The following ZDHHC19 variants were observed in gnomAD, a reference collection of about 807,000 sequenced individuals.
ZDHHC19 encodes zDHHC palmitoyltransferase 19.
A neutral mutation model predicts 33.9 loss-of-function variants in ZDHHC19; 30 were observed. The observed-to-expected ratio is 0.88, with a 90% CI of 0.66 to 1.20. The LOEUF (loss-of-function observed/expected upper bound fraction) is 1.20, where lower values mean the gene tolerates loss of function less well. ZDHHC19 is among the 50% of genes most tolerant of loss of function. The pLI is 0.00. For missense variants in ZDHHC19, 364 were observed against 401.1 expected, an observed-to-expected ratio of 0.91 and a Z score of 0.79; for synonymous variants, 178 against 167.6, an observed-to-expected ratio of 1.06 and a Z score of -0.48.
intron 2 of ZDHHC19, among the ~76,000 whole-genome samples, chr3:196,209,763 G>A (rs1311730783): frequency 6.6e-6 from 1 of 152,226 alleles, no homozygotes; most frequent in Non-Finnish European, 1.5e-5. Flanking sequence ...GAGTGTCATT[G>A]TGTAGTGAAG....
intron 5 of ZDHHC19, among the ~76,000 whole-genome samples, chr3:196,207,063 G>A (rs571485658): frequency 6.6e-6 from 1 of 152,122 alleles, no homozygotes; most frequent in Non-Finnish European, 1.5e-5. Flanking sequence ...GCTCAGGACC[G>A]GCCCCCTCTC....
At chr3:196,210,444 G>GA (rs113743596) in intron 2 of ZDHHC19, among the ~76,000 whole-genome samples, 172 bp downstream of exon 2, 30,756 of 121,830 alleles carry the variant, frequency 0.25, 4,970 homozygotes, top group East Asian at 0.38. Context: ...GAGAAAGAAA[G>GA]AAAGAAAAGA....
intron 2 of ZDHHC19, among the ~76,000 whole-genome samples, chr3:196,210,278 GA>G (rs1172591315): frequency 3.6e-5 from 5 of 139,756 alleles, no homozygotes; most frequent in Non-Finnish European, 7.7e-5. Flanking sequence ...GAGAAAGAAA[GA>G]AAGAAAGAAG....
Position 196,203,787 on chromosome 3 carries a change from G to A in ZDHHC19, c.687+3611C>T, listed in dbSNP as rs1003964185. 2.6e-5 allele frequency among the ~76,000 whole-genome samples: 4 copies of A among 152,190 alleles called. No individual in the cohort carries two copies. The highest frequency in any genetic ancestry group is 1.9e-4 in the East Asian group (1 of 5,202). On this transcript the variant is annotated intron_variant, in intron 5 of 7. Transcript: ENST00000296326. This position sits in a 1 kb window ranked among gnomAD's most constrained non-coding sequence, Gnocchi z 4.3. ...GGAGGGTCCACATGCAGACCAGAGC[G>A]GGCTGATGAGGAAGGGCGGAGCTGG...
intron 3 of ZDHHC19, 184 bp from the exon 4 acceptor site, chr3:196,208,744 C>T: frequency 1.5e-6 from 1 of 663,946 alleles, no homozygotes; most frequent in Non-Finnish European, 2.6e-6. Flanking sequence ...CTTGTTAGAG[C>T]ACAGTTAGGA....
chr3:196,209,237 G>A (rs1723018829), intron 3 of ZDHHC19, 139 bp downstream of exon 3: 8 of 1,220,412 alleles, frequency 6.6e-6, no homozygotes. Context: ...ACCAAGGGTG[G>A]CTGGGAGTTA....
intron 5 of ZDHHC19, among the ~76,000 whole-genome samples, chr3:196,207,186 C>G (rs117885738): frequency 6.6e-6 from 1 of 152,190 alleles, no homozygotes; most frequent in African/African-American, 2.4e-5. Flanking sequence ...GAATCCAAAC[C>G]GCCTAGCACA....
At chr3:196,200,359 A>ATATATATATATAAT (rs1722181168) in intron 5 of ZDHHC19, among the ~76,000 whole-genome samples, 1 of 124,008 alleles carries the variant, frequency 8.1e-6, no homozygotes, top group East Asian at 2.3e-4. Flanking sequence ...TATATATATA[A>ATATATATATATAAT]TTTTTTTTTT....
chr3:196,198,123 G>A (rs1166236273), intron 7 of ZDHHC19, among the ~76,000 whole-genome samples, 153 bp downstream of exon 7: 6 of 151,796 alleles, frequency 4.0e-5, no homozygotes, highest in Admixed American at 2.0e-4. Flanking sequence ...TGCTTCCAAC[G>A]CCCCTCCAGT....
chr3:196,210,266 A>G lies in ZDHHC19; in HGVS notation c.268+350T>C, dbSNP rs1188232462. On this transcript the variant is annotated intron_variant, in intron 2 of 7. Coordinates refer to ENST00000296326, the MANE Select transcript of ZDHHC19 (RefSeq NM_001039617.2). ...GAAAGAAAGAAAAAGAAAGAAAGAA[A>G]AGAGAAAGAAAGAAAGAAAGAAGGA... Among the ~76,000 whole-genome samples the G allele has an allele frequency of 5.1e-3, 308 of 60,470 alleles. 2 individuals are homozygous for G. Among genetic ancestry groups the G allele is most frequent in the African/African-American group, 0.017 (298 of 17,042 alleles). 39.7% of individuals were successfully genotyped at this position (60,470 alleles called of 152,430 possible). A position where few individuals can be genotyped will look rare whatever the true frequency, so the allele number is the denominator to read the frequency against.
At chr3:196,200,346 ATATATATATAT>A (rs756301910) in intron 5 of ZDHHC19, among the ~76,000 whole-genome samples, 28,784 of 129,158 alleles carry the variant, frequency 0.22, 3,201 homozygotes, top group Middle Eastern at 0.31. Context: ...ATATATATGT[ATATATATATAT>A]AATTTTTTTT....
intron 2 of ZDHHC19, among the ~76,000 whole-genome samples, chr3:196,209,910 G>T (rs1285911580): frequency 1.3e-5 from 2 of 152,206 alleles, no homozygotes; most frequent in African/African-American, 4.8e-5. Context: ...AACGGGGTAG[G>T]GCCGGGCGCG....
intron 1 of ZDHHC19, among the ~76,000 whole-genome samples, 168 bp downstream of exon 1, chr3:196,211,002 C>T (rs1465518466): frequency 2.0e-5 from 3 of 151,100 alleles, no homozygotes; most frequent in Non-Finnish European, 4.4e-5. Context: ...TTTCCCTGCC[C>T]GCACCCTTGA....
In ZDHHC19 at chr3:196,203,269, GAAGA is replaced by G. The variant is rs200265519; in HGVS notation, c.687+4125_687+4128del. Among the ~76,000 whole-genome samples, 1,108 of 152,044 alleles carry G rather than the reference GAAGA, an allele frequency of 7.3e-3. 12 individuals carry two copies. Among genetic ancestry groups the G allele is most frequent in the African/African-American group, 0.026 (1,065 of 41,462 alleles). On this transcript the variant is annotated intron_variant, in intron 5 of 7. Transcript: ENST00000296326. The surrounding 1 kb of genome is among the most constrained non-coding windows in gnomAD (Gnocchi z 4.3). ...CAAAAAAGAAAAAAAAAGAAAGAAA[GAAGA>G]AAGAAAGAGAGAGAGAAATTGAACG...
At position 196,207,475 on chromosome 3, in the gene ZDHHC19, G is replaced by A. The variant is rs892448843; in HGVS notation, c.610C>T (p.Leu204Phe). ...AIVVAVSAAG[L>F]LVPLSLLLLI... ...AGCAGGAGGGACAGCGGCACCAGGA[G>A]GCCCGCGGCGGACACGGCCACCACG... is the stretch of plus-strand genomic sequence containing the variant. Residue 204 changes from leucine to phenylalanine, a missense_variant, in exon 5 of 8, where the codon CTC becomes TTC. Physicochemically the swap from Leu to Phe is conservative, Grantham distance 22. Transcript: ENST00000296326. 2.5e-6 allele frequency: 4 copies of A among 1,569,170 alleles called. No individual in the cohort carries two copies. Among genetic ancestry groups the A allele is most frequent in the Admixed American group, 3.7e-5 (2 of 53,474 alleles).
At chr3:196,210,342 A>AAAG (rs1723158587) in intron 2 of ZDHHC19, among the ~76,000 whole-genome samples, 4 of 49,986 alleles carry the variant, frequency 8.0e-5, no homozygotes, top group African/African-American at 1.8e-4. Flanking sequence ...AGAAAGAAAG[A>AAAG]AAAGAGAAAG....
In ZDHHC19 at chr3:196,209,486, G is replaced by A. The variant is rs747370134; in HGVS notation, c.298C>T (p.His100Tyr). 1 of 1,612,992 alleles carries A rather than the reference G, an allele frequency of 6.2e-7. No homozygotes were observed. The highest frequency in any genetic ancestry group is 8.5e-7 in the Non-Finnish European group (1 of 1,179,756). The change falls in exon 3 of 8, where the codon CAC (histidine) becomes TAC (tyrosine). Residue 100 changes from histidine (H) to tyrosine (Y), a missense_variant. Transcript: ENST00000296326. ...GSAEQGPLTV[H>Y]VVWVNHGAFR... ...GCCCCGTGGTTCACCCACACCACGT[G>A]CACCGTCAAGGGGCCCTGCTCAGCG...
chr3:196,206,679 C>CTTTTT (rs10578928), intron 5 of ZDHHC19, among the ~76,000 whole-genome samples: 10 of 112,786 alleles, frequency 8.9e-5, no homozygotes, highest in South Asian at 6.0e-4. Flanking sequence ...CTTTTCTTTT[C>CTTTTT]TTTTTTTTTT....
intron 2 of ZDHHC19, among the ~76,000 whole-genome samples, chr3:196,210,052 G>A (rs1004953234): frequency 3.3e-5 from 5 of 152,094 alleles, no homozygotes; most frequent in South Asian, 4.1e-4. Context: ...TTAGCTGGGC[G>A]TGGTAGCATG....
Sources: allele counts gnomAD v4.1 joint callset (sites outside exome capture counted in the v4.1 genomes callset), GRCh38; gene constraint gnomAD v4.1.1; non-coding constraint Gnocchi (gnomAD v3.1); transcripts MANE v1.5; gene names NCBI Gene and HGNC (gene_info 2026-07-23, HGNC 2026-07-21).